PML: variants seen among roughly 807,000 people sequenced by gnomAD.
PML encodes PML nuclear body scaffold.
In PML, 28 loss-of-function variants were observed where a neutral mutation model predicts 65.2. That is an observed-to-expected ratio of 0.43 (90% confidence interval 0.32 to 0.59). The LOEUF is 0.59. PML is among the 20% of genes least tolerant of loss of function. The pLI is 0.08. For missense variants in PML, 1,021 were observed against 1,203.4 expected, an observed-to-expected ratio of 0.85 and a Z score of 2.24; for synonymous variants, 500 against 508.8, an observed-to-expected ratio of 0.98 and a Z score of 0.23.
Position 74,022,916 on chromosome 15 carries a change from G to A in PML, c.691G>A (p.Ala231Thr), listed in dbSNP as rs1214061989. The A allele has an allele frequency of 1.2e-6, 2 of 1,612,658 alleles. No homozygotes were observed. Among genetic ancestry groups the A allele is most frequent in the East Asian group, 2.2e-5 (1 of 44,850 alleles). ...SHSELKCDIS[A>T]EIQQRQEELD... is the part of the protein sequence containing the mutation. ...CAGTGAGCTCAAGTGCGACATCAGC[G>A]CAGAGATCCAGCAGCGACAGGAGGA... Residue 231 changes from alanine to threonine, a missense_variant, in exon 3 of 9, where the codon GCA becomes ACA. Ala to Thr is a moderately conservative substitution (Grantham distance 58). Transcript: ENST00000268058.
Position 73,994,774 on chromosome 15 carries a change from C to G in PML, c.-39C>G. 5.8e-6 allele frequency: 9 copies of G among 1,550,676 alleles called. No individual in the cohort carries two copies. Among genetic ancestry groups the G allele is most frequent in the Non-Finnish European group, 6.1e-6 (7 of 1,146,766 alleles). ...CCCCTTCAGCTTCTCTTCACGCACT[C>G]CAAGATCTAAACCGAGAATCGAAAC... On this transcript the variant is annotated 5_prime_UTR_variant, in exon 1 of 9. Coordinates refer to ENST00000268058, the MANE Select transcript of PML (RefSeq NM_033238.3).
Position 74,019,790 on chromosome 15 carries a change from T to C in PML, c.603-3038T>C, listed in dbSNP as rs184794760. Among the ~76,000 whole-genome samples, 414 of 152,356 alleles carry C rather than the reference T, an allele frequency of 2.7e-3. 3 individuals are homozygous for C. Among genetic ancestry groups the C allele is most frequent in the African/African-American group, 9.5e-3 (396 of 41,576 alleles). On this transcript the variant is annotated intron_variant, in intron 2 of 8. Transcript: ENST00000268058. ...ATCCATATATTAACTCATTTAATCC[T>C]TCCAGTACTCCTATTATTAACCTCA...
intron 2 of PML, among the ~76,000 whole-genome samples, chr15:74,012,123 C>T (rs1450147825): frequency 6.9e-6 from 1 of 145,670 alleles, no homozygotes; most frequent in Non-Finnish European, 1.5e-5. Flanking sequence ...AAATATTTTC[C>T]TAAAAGGTCC....
In PML at chr15:74,045,064, G is replaced by C. The variant is rs2071758408; in HGVS notation, c.*56G>C. On this transcript the variant is annotated 3_prime_UTR_variant, in exon 9 of 9. Coordinates refer to ENST00000268058, the MANE Select transcript of PML (RefSeq NM_033238.3). ...GTGGGCAGAGAGGGATGGGGTCCCT[G>C]AGCCAGGCCCCACCCATCACAGCAT... 5.5e-6 allele frequency: 8 copies of C among 1,464,604 alleles called. No homozygotes were observed. The highest frequency in any genetic ancestry group is 4.0e-5 in the Admixed American group (2 of 50,328). The allele number at this position is 1,464,604 out of a possible 1,614,324, so 90.7% of individuals were successfully genotyped here.
chr15:74,009,166 T>C (rs902036620), intron 2 of PML, among the ~76,000 whole-genome samples: 10 of 152,074 alleles, frequency 6.6e-5, no homozygotes, highest in African/African-American at 9.7e-5. Context: ...TGGAGCTAAG[T>C]CCTGTCTGCG....
chr15:73,999,420 T>C (rs1489845011), intron 2 of PML, among the ~76,000 whole-genome samples: 3 of 152,212 alleles, frequency 2.0e-5, no homozygotes, highest in African/African-American at 7.2e-5. Context: ...GAACTACATA[T>C]CTGCTAAACT....
At chr15:74,001,122 C>A (rs1400918899) in intron 2 of PML, among the ~76,000 whole-genome samples, 1 of 152,078 alleles carries the variant, frequency 6.6e-6, no homozygotes, top group Non-Finnish European at 1.5e-5. Context: ...TAACTATACC[C>A]CCTTTTTTTA....
chr15:74,033,699 C>T (rs2141873740), intron 6 of PML: 2 of 621,748 alleles, frequency 3.2e-6, no homozygotes, highest in South Asian at 1.9e-5. Flanking sequence ...GGGCAGGTCT[C>T]CACAAGAAGT....
At chr15:74,036,078 A>C (rs1483993380) in intron 7 of PML, 1 of 1,613,950 alleles carries the variant, frequency 6.2e-7, no homozygotes, top group African/African-American at 1.3e-5. Context: ...TTAAGGAATG[A>C]ATCAACGAAT....
chr15:74,032,006 G>A (rs1404522828), intron 4 of PML, among the ~76,000 whole-genome samples: 1 of 152,146 alleles, frequency 6.6e-6, no homozygotes, highest in Non-Finnish European at 1.5e-5. Flanking sequence ...AGGCTGAGAG[G>A]GCAGAGGCAA....
intron 2 of PML, among the ~76,000 whole-genome samples, chr15:74,002,182 T>A (rs530606118): frequency 5.3e-5 from 8 of 152,056 alleles, no homozygotes; most frequent in Non-Finnish European, 1.2e-4. Context: ...TTTGTATGAG[T>A]TCTACATCTA....
chr15:74,025,964 A>G (rs948258651), intron 4 of PML: 10 of 152,276 alleles, frequency 6.6e-5, no homozygotes, highest in African/African-American at 2.4e-4. Context: ...GGAGAGAGAG[A>G]GTGCTGTAGG....
chr15:74,003,055 G>A (rs1240380602), intron 2 of PML, among the ~76,000 whole-genome samples: 2 of 152,122 alleles, frequency 1.3e-5, no homozygotes, highest in Non-Finnish European at 2.9e-5. Context: ...GATCACCTGA[G>A]CCTGTCCGTT....
Position 74,020,666 on chromosome 15 carries a change from TGGAGGTAA to T in PML, c.603-2160_603-2153del, listed in dbSNP as rs2070796408. Among the ~76,000 whole-genome samples the T allele has an allele frequency of 3.3e-5, 5 of 152,318 alleles. No homozygotes were observed. In the South Asian group the frequency reaches 1.0e-3, roughly 32 times the overall value. On this transcript the variant is annotated intron_variant, in intron 2 of 8. Coordinates refer to ENST00000268058, the MANE Select transcript of PML (RefSeq NM_033238.3). ...ATGTAAATGTATTCTGTTATGGTTC[TGGAGGTAA>T]GAAGTCTGAAACAGGTCTCACTGAG... is the stretch of plus-strand genomic sequence containing the variant.
At chr15:74,028,811 A>G (rs1156681773) in intron 4 of PML, among the ~76,000 whole-genome samples, 1 of 152,176 alleles carries the variant, frequency 6.6e-6, no homozygotes, top group Non-Finnish European at 1.5e-5. Flanking sequence ...GGGTTCATCC[A>G]TGTAGCATGT....
At chr15:74,040,184 T>C (rs1428050857) in intron 7 of PML, among the ~76,000 whole-genome samples, 5 of 152,198 alleles carry the variant, frequency 3.3e-5, no homozygotes, top group Non-Finnish European at 4.4e-5. Context: ...ATCCCAGTAT[T>C]TACTTGCATC....
At chr15:74,025,095 G>A (rs1231883139) in intron 4 of PML, 168 bp downstream of exon 4, 3 of 632,634 alleles carry the variant, frequency 4.7e-6, no homozygotes, top group Non-Finnish European at 8.7e-6. Context: ...TTAAAGAAGG[G>A]TTGGCTGGCT....
At position 74,035,119 on chromosome 15, in the gene PML, G is replaced by T; in HGVS notation, c.1710+589G>T. On this transcript the variant is annotated intron_variant, in intron 7 of 8. Transcript: ENST00000268058. This position sits in a 1 kb window ranked among gnomAD's most constrained non-coding sequence, Gnocchi z 4.1. ...CTGAATAGAGTGAAAGGTTGGACTG[G>T]GTGGCCCCTGAGGTCTCTTCCAGCC... 8.8e-7 allele frequency: 1 copy of T among 1,142,676 alleles called. No homozygotes were observed. 70.8% of individuals were successfully genotyped at this position (1,142,676 alleles called of 1,614,324 possible). A position where few individuals can be genotyped will look rare whatever the true frequency, so the allele number is the denominator to read the frequency against.
intron 2 of PML, among the ~76,000 whole-genome samples, chr15:73,998,744 T>C (rs1328975056): frequency 6.6e-6 from 1 of 152,220 alleles, no homozygotes; most frequent in Non-Finnish European, 1.5e-5. Flanking sequence ...GTAACTTCTT[T>C]AGGATAAATT....
Sources: allele counts gnomAD v4.1 joint callset (sites outside exome capture counted in the v4.1 genomes callset), GRCh38; gene constraint gnomAD v4.1.1; non-coding constraint Gnocchi (gnomAD v3.1); transcripts MANE v1.5; gene names NCBI Gene and HGNC (gene_info 2026-07-23, HGNC 2026-07-21).